The following GULP1 variants were observed in gnomAD, a reference collection of about 807,000 sequenced individuals.
GULP1 encodes the protein GULP PTB domain containing engulfment adaptor 1.
GULP1 carries 19 observed loss-of-function variants against 40.9 expected under a neutral mutation model. The observed-to-expected ratio is 0.46, with a 90% confidence interval of 0.32 to 0.68. The LOEUF is 0.68. Ranked by LOEUF, GULP1 falls within the 30% of genes least tolerant of loss-of-function variation. The probability of loss-of-function intolerance (pLI) is 0.03; values close to 1 mark genes in which losing one functional copy is unlikely to be tolerated. For synonymous variants in GULP1, 119 were observed against 117.6 expected, an observed-to-expected ratio of 1.01 and a Z score of -0.08; for missense variants, 312 against 362.2, an observed-to-expected ratio of 0.86 and a Z score of 1.12.
At chr2:188,439,829 C>A (rs1184281203) in intron 2 of GULP1, among the ~76,000 whole-genome samples, 1 of 151,930 alleles carries the variant, frequency 6.6e-6, no homozygotes, top group African/African-American at 2.4e-5. Flanking sequence ...TCAGAGACAG[C>A]CTACACTGAT....
chr2:188,432,662 C>T (rs2056997407), intron 2 of GULP1, among the ~76,000 whole-genome samples: 1 of 151,716 alleles, frequency 6.6e-6, no homozygotes, highest in Admixed American at 6.6e-5. Flanking sequence ...TCAATAAATT[C>T]AGAAAAAAAT....
intron 2 of GULP1, among the ~76,000 whole-genome samples, chr2:188,405,252 GC>G (rs2052902400): frequency 1.3e-5 from 2 of 152,218 alleles, no homozygotes; most frequent in Admixed American, 1.3e-4. Context: ...GGTCCCCAAA[GC>G]CCCAGGCTCC....
chr2:188,526,069 A>G (rs1686088518), intron 5 of GULP1, among the ~76,000 whole-genome samples: 1 of 152,174 alleles, frequency 6.6e-6, no homozygotes, highest in African/African-American at 2.4e-5. Context: ...TCACTTTTTA[A>G]AAAGTCCTCT....
chr2:188,452,045 A>G (rs138906576), intron 2 of GULP1, among the ~76,000 whole-genome samples: 369 of 152,310 alleles, frequency 2.4e-3, no homozygotes, highest in African/African-American at 7.8e-3. Context: ...GGATCACTAG[A>G]AAAGTAAGTA....
chr2:188,484,580 A>T (rs2061706252), intron 4 of GULP1, among the ~76,000 whole-genome samples: 1 of 151,670 alleles, frequency 6.6e-6, no homozygotes, highest in Non-Finnish European at 1.5e-5. Context: ...ACGTTTATGG[A>T]TTAGTGAAGT....
At chr2:188,301,952 T>G (rs1403156856) in intron 1 of GULP1, among the ~76,000 whole-genome samples, 1 of 152,194 alleles carries the variant, frequency 6.6e-6, no homozygotes, top group East Asian at 1.9e-4. Context: ...ATTTCTGGAT[T>G]TACTGCTGTG....
At chr2:188,372,379 A>C (rs988311617) in intron 1 of GULP1, among the ~76,000 whole-genome samples, 1 of 152,120 alleles carries the variant, frequency 6.6e-6, no homozygotes, top group Non-Finnish European at 1.5e-5. Context: ...TTAGTATTAC[A>C]TAACCTGTTT....
intron 2 of GULP1, among the ~76,000 whole-genome samples, chr2:188,385,967 C>T (rs2049679851): frequency 6.6e-6 from 1 of 152,170 alleles, no homozygotes; most frequent in African/African-American, 2.4e-5. Flanking sequence ...CTTCTGAGCC[C>T]TCCAAACTGT....
chr2:188,432,451 G>C (rs1575207181), intron 2 of GULP1, among the ~76,000 whole-genome samples: 1 of 151,432 alleles, frequency 6.6e-6, no homozygotes, highest in African/African-American at 2.4e-5. Flanking sequence ...GAACCTTAAG[G>C]TTAAATATAT....
chr2:188,460,223 A>T (rs1267944200), intron 2 of GULP1, among the ~76,000 whole-genome samples: 1 of 152,082 alleles, frequency 6.6e-6, no homozygotes, highest in African/African-American at 2.4e-5. Context: ...GAATCTGTAG[A>T]TTGCTTTAGG....
At chr2:188,398,704 G>A (rs888533035) in intron 2 of GULP1, among the ~76,000 whole-genome samples, 10 of 152,024 alleles carry the variant, frequency 6.6e-5, no homozygotes, top group Non-Finnish European at 1.5e-4. Context: ...ATACTATGAT[G>A]TATCACTTAT....
At chr2:188,449,261 C>A (rs1301776775) in intron 2 of GULP1, among the ~76,000 whole-genome samples, 1 of 152,114 alleles carries the variant, frequency 6.6e-6, no homozygotes, top group African/African-American at 2.4e-5. Context: ...TATAGTAATT[C>A]TATTTTCATT....
chr2:188,466,516 C>A (rs895128992), intron 2 of GULP1: 5 of 147,970 alleles, frequency 3.4e-5, no homozygotes, highest in African/African-American at 7.5e-5. Flanking sequence ...TGGTCTCGAT[C>A]TCCTGACCTC....
At chr2:188,356,453 A>T (rs1437829850) in intron 1 of GULP1, among the ~76,000 whole-genome samples, 2 of 152,122 alleles carry the variant, frequency 1.3e-5, no homozygotes, top group Non-Finnish European at 2.9e-5. Context: ...GCTACAAATT[A>T]ATACCTAGGC....
chr2:188,573,732 G>A (rs1699601471), intron 9 of GULP1, among the ~76,000 whole-genome samples: 1 of 129,028 alleles, frequency 7.8e-6, no homozygotes, highest in South Asian at 2.5e-4. Flanking sequence ...AGGATTAGAG[G>A]CAGTGATCTA....
At chr2:188,477,373 CCTT>C (rs2061098826) in intron 2 of GULP1, among the ~76,000 whole-genome samples, 1 of 151,930 alleles carries the variant, frequency 6.6e-6, no homozygotes, top group South Asian at 2.1e-4. Context: ...TCTTTCTTCT[CCTT>C]AAGTTTGCAA....
At chr2:188,452,703 A>G (rs867016923) in intron 2 of GULP1, among the ~76,000 whole-genome samples, 1 of 152,178 alleles carries the variant, frequency 6.6e-6, no homozygotes, top group Admixed American at 6.5e-5. Flanking sequence ...GTCCAAAGCA[A>G]TCCACAGTGT....
intron 1 of GULP1, among the ~76,000 whole-genome samples, chr2:188,346,673 T>A (rs1170215255): frequency 6.6e-6 from 1 of 151,736 alleles, no homozygotes; most frequent in Non-Finnish European, 1.5e-5. Context: ...TTTGTATTTA[T>A]CCATGGTGAG....
intron 1 of GULP1, among the ~76,000 whole-genome samples, chr2:188,317,788 T>A (rs1337953416): frequency 7.0e-6 from 1 of 143,358 alleles, no homozygotes; most frequent in Non-Finnish European, 1.5e-5. Context: ...ATTAAGTGAA[T>A]TAGTGAGGTT....
Sources: gnomAD v4.1 joint callset for allele counts (sites outside exome capture counted in the v4.1 genomes callset) on GRCh38, gnomAD v4.1.1 for gene constraint, MANE v1.5 for transcripts, NCBI Gene and HGNC (gene_info 2026-07-23, HGNC 2026-07-21) for gene names.